Variants in ATAD2B observed in about 807,000 individuals in gnomAD.
ATAD2B encodes ATPase family AAA domain containing 2B.
A neutral mutation model predicts 167.6 loss-of-function variants in ATAD2B; 40 were observed. That is an observed-to-expected ratio of 0.24 (90% confidence interval 0.19 to 0.31). The LOEUF (loss-of-function observed/expected upper bound fraction) is 0.31, where lower values mean the gene tolerates loss of function less well. ATAD2B is among the 10% of genes least tolerant of loss of function. The pLI is 1.00. For missense variants in ATAD2B, 1,242 were observed against 1,757.2 expected (o/e 0.71, Z 5.24); for synonymous variants, 579 against 596.5 (o/e 0.97, Z 0.43).
the ATAD2B span, among the ~76,000 whole-genome samples, chr2:23,743,035 A>G: frequency 1.4e-3 from 214 of 152,272 alleles, no homozygotes; most frequent in African/African-American, 5.0e-3. Flanking sequence ...CAGGAAAACA[A>G]AACAATAAGC....
the ATAD2B span, among the ~76,000 whole-genome samples, chr2:23,738,086 AAG>A: frequency 1.3e-5 from 2 of 152,244 alleles, no homozygotes; most frequent in East Asian, 3.8e-4. Context: ...GTGTACCTGA[AAG>A]TGACGGGGAG....
rs560114211 is a variant in ATAD2B at position 23,867,982 on chromosome 2, A to G, written c.1077-36T>C. On this transcript the variant is annotated intron_variant, in intron 9 of 27. Transcript: ENST00000238789. ...TAAAAGTGCAAGTAAAGTTGCATTA[A>G]AAGTTTCACATTTTTAATGTCAAAA... 1.4e-5 allele frequency: 19 copies of G among 1,376,278 alleles called. No individual in the cohort carries two copies. The African/African-American group carries it at 2.3e-4, about 17-fold the overall frequency. 85.3% of individuals were successfully genotyped at this position (1,376,278 alleles called of 1,614,324 possible).
chr2:23,741,242 C>G, the ATAD2B span, among the ~76,000 whole-genome samples: 1 of 152,144 alleles, frequency 6.6e-6, no homozygotes, highest in Non-Finnish European at 1.5e-5. Context: ...CCTGCATCGC[C>G]AAGTCAATCC....
intron 6 of ATAD2B, among the ~76,000 whole-genome samples, chr2:23,882,564 T>C (rs1023361266): frequency 2.7e-5 from 4 of 148,900 alleles, no homozygotes; most frequent in Non-Finnish European, 5.9e-5. Flanking sequence ...ATCCCAGCAC[T>C]TTGGGAGGCC....
the ATAD2B span, among the ~76,000 whole-genome samples, chr2:23,716,612 G>A: frequency 1.3e-5 from 2 of 152,144 alleles, no homozygotes; most frequent in African/African-American, 4.8e-5. Flanking sequence ...CAGTTTAGCA[G>A]CCCCACCCTG....
chr2:23,859,777 G>A (rs567591199), intron 12 of ATAD2B, among the ~76,000 whole-genome samples: 38 of 151,756 alleles, frequency 2.5e-4, no homozygotes, highest in African/African-American at 6.8e-4. Flanking sequence ...GTGAAACGCC[G>A]TCTCTACTAA....
downstream of ATAD2B, among the ~76,000 whole-genome samples, chr2:23,746,517 C>A (rs1247179538): frequency 6.6e-6 from 1 of 152,150 alleles, no homozygotes; most frequent in Non-Finnish European, 1.5e-5. Flanking sequence ...TCCCTCAATG[C>A]CTAGCACTCT....
At chr2:23,789,859 G>C (rs1222913911) in intron 19 of ATAD2B, among the ~76,000 whole-genome samples, 1 of 152,080 alleles carries the variant, frequency 6.6e-6, no homozygotes. Flanking sequence ...ATTGGCTTAA[G>C]GTAATAAAGT....
At chr2:23,873,315 G>A (rs184038769) in intron 8 of ATAD2B, among the ~76,000 whole-genome samples, 2 of 152,188 alleles carry the variant, frequency 1.3e-5, no homozygotes, top group Admixed American at 1.3e-4. Flanking sequence ...AACCAAAAAT[G>A]GTAAATCAAT....
At chr2:23,881,018 G>A (rs11902820) in intron 6 of ATAD2B, among the ~76,000 whole-genome samples, 9,881 of 152,136 alleles carry the variant, frequency 0.065, 413 homozygotes, top group African/African-American at 0.12. Flanking sequence ...GATTTACTTA[G>A]GAACTTTGAT....
chr2:23,758,330 G>T (rs567141168), intron 24 of ATAD2B, among the ~76,000 whole-genome samples: 1 of 152,240 alleles, frequency 6.6e-6, no homozygotes, highest in African/African-American at 2.4e-5. Context: ...TGTATTTCCT[G>T]TATGAGTTTA....
chr2:23,799,763 T>C (rs1180482238), intron 18 of ATAD2B: 3 of 151,940 alleles, frequency 2.0e-5, no homozygotes, highest in African/African-American at 4.8e-5. Context: ...AATTCAATAA[T>C]AAACCAGATG....
intron 17 of ATAD2B, among the ~76,000 whole-genome samples, chr2:23,817,088 T>C (rs1686560310): frequency 6.6e-6 from 1 of 152,182 alleles, no homozygotes; most frequent in South Asian, 2.1e-4. Flanking sequence ...AAAGACTATA[T>C]GTTGCCCATA....
At chr2:23,792,973 A>AAACAAAAAC (rs1472198759) in intron 19 of ATAD2B, among the ~76,000 whole-genome samples, 10 of 149,676 alleles carry the variant, frequency 6.7e-5, no homozygotes, top group African/African-American at 2.4e-4. Context: ...AAAAAAAAAA[A>AAACAAAAAC]AAAAAAAAAA....
chr2:23,692,203 G>A, the ATAD2B span, among the ~76,000 whole-genome samples: 1 of 152,224 alleles, frequency 6.6e-6, no homozygotes, highest in Non-Finnish European at 1.5e-5. Flanking sequence ...CTATGGCCCT[G>A]GCCTCACAGT....
intron 6 of ATAD2B, chr2:23,883,678 G>C (rs558182357): frequency 4.7e-6 from 5 of 1,055,914 alleles, no homozygotes; most frequent in Non-Finnish European, 6.4e-6. Context: ...ACCTTCATTA[G>C]AAATATCACC....
At chr2:23,879,680 C>A (rs1697562838) in intron 7 of ATAD2B, among the ~76,000 whole-genome samples, 1 of 152,010 alleles carries the variant, frequency 6.6e-6, no homozygotes, top group Admixed American at 6.6e-5. Flanking sequence ...AAAAAGAAAA[C>A]AACTAAGTTA....
the ATAD2B span, chr2:23,689,861 G>A: frequency 1.3e-5 from 2 of 152,284 alleles, no homozygotes; most frequent in Non-Finnish European, 2.9e-5. Flanking sequence ...AAGCCACCGA[G>A]GTATGGAAAT....
At position 23,751,378 on chromosome 2, in the gene ATAD2B, C is replaced by CA. The variant is rs1675336757; in HGVS notation, c.*667dup. The CA allele has an allele frequency of 6.6e-6, 1 of 152,044 alleles. No individual in the cohort carries two copies. Among genetic ancestry groups the CA allele is most frequent in the Non-Finnish European group, 1.5e-5 (1 of 67,994 alleles). The allele number at this position is 152,044 out of a possible 1,614,324, so 9.4% of individuals were successfully genotyped here. A position where few individuals can be genotyped will look rare whatever the true frequency, so the allele number is the denominator to read the frequency against. On this transcript the variant is annotated 3_prime_UTR_variant, in exon 28 of 28. Coordinates refer to ENST00000238789, the MANE Select transcript of ATAD2B (RefSeq NM_017552.4). ...GTTGTCTCTTAATGACATAGAGTAT[C>CA]AAAACTTATTTTCAAGGTTGTGACC...
Sources: gnomAD v4.1 joint callset for allele counts (sites outside exome capture counted in the v4.1 genomes callset) on GRCh38, gnomAD v4.1.1 for gene constraint, MANE v1.5 for transcripts, NCBI Gene and HGNC (gene_info 2026-07-23, HGNC 2026-07-21) for gene names.